Variants in ST6GALNAC5 observed in about 807,000 individuals in gnomAD.
The protein encoded by ST6GALNAC5 is ST6 N-acetylgalactosaminide alpha-2,6-sialyltransferase 5.
ST6GALNAC5 carries 27 observed loss-of-function variants against 33.6 expected under a neutral mutation model. The observed-to-expected ratio is 0.80, with a 90% CI of 0.59 to 1.11. The LOEUF (loss-of-function observed/expected upper bound fraction) is 1.11, where lower values mean the gene tolerates loss of function less well. Among genes scored for constraint, ST6GALNAC5 ranks in the 50% least tolerant of loss-of-function variants. The pLI is 0.00. For synonymous variants in ST6GALNAC5, 194 were observed against 171.2 expected (o/e 1.13, Z -1.04); for missense variants, 428 against 454.0 (o/e 0.94, Z 0.52).
intron 4 of ST6GALNAC5, among the ~76,000 whole-genome samples, chr1:77,056,573 T>C (rs2100477580): frequency 6.6e-6 from 1 of 152,350 alleles, no homozygotes; most frequent in South Asian, 2.1e-4. Context: ...GCCAGAATTA[T>C]TAGCTAGCGA....
intron 2 of ST6GALNAC5, among the ~76,000 whole-genome samples, chr1:76,987,504 T>A (rs1477277162): frequency 6.6e-6 from 1 of 152,144 alleles, no homozygotes; most frequent in Non-Finnish European, 1.5e-5. Context: ...ATGCAAAATG[T>A]TGCAACCTCT....
intron 2 of ST6GALNAC5, among the ~76,000 whole-genome samples, chr1:76,933,370 C>T (rs1158912473): frequency 6.6e-6 from 1 of 151,810 alleles, no homozygotes; most frequent in Admixed American, 6.6e-5. Context: ...CTTCAGGGAG[C>T]TAACATTGTT....
In ST6GALNAC5 at chr1:77,063,016, C is replaced by A. The variant is rs754897475; in HGVS notation, c.821C>A (p.Pro274His). Reference sequence around the variant, plus strand: ...TCAGTACCTTATCATTATTATGAACCTTTTGGACCTGATGAATGTACAATG... The same window carrying A: ...TCAGTACCTTATCATTATTATGAACATTTTGGACCTGATGAATGTACAATG... ...HPSVPYHYYE[P>H]FGPDECTMYL... The change falls in exon 5 of 5, where the codon CCT (proline) becomes CAT (histidine). Residue 274 changes from proline to histidine, a missense_variant. Physicochemically the swap from Pro to His is moderately conservative, Grantham distance 77. Coordinates refer to ENST00000477717, the MANE Select transcript of ST6GALNAC5 (RefSeq NM_030965.3). 7.4e-6 allele frequency: 12 copies of A among 1,613,726 alleles called. No homozygotes were observed. Among genetic ancestry groups the A allele is most frequent in the South Asian group, 2.2e-5 (2 of 91,060 alleles).
At position 76,970,950 on chromosome 1, in the gene ST6GALNAC5, A is replaced by AT. The variant is rs531258121; in HGVS notation, c.262-73245dup. Among the ~76,000 whole-genome samples, 687 of 151,588 alleles carry AT rather than the reference A, an allele frequency of 4.5e-3. 5 individuals carry two copies. The highest frequency in any genetic ancestry group is 8.1e-3 in the Non-Finnish European group (548 of 67,836). On this transcript the variant is annotated intron_variant, in intron 2 of 4. Coordinates refer to ENST00000477717, the MANE Select transcript of ST6GALNAC5 (RefSeq NM_030965.3). ...TTGCATCATATGTAAATAAGAAAAT[A>AT]TTTTTTTTTCCAAAACCACTTTTAT...
At chr1:76,960,937 G>A (rs1417921416) in intron 2 of ST6GALNAC5, among the ~76,000 whole-genome samples, 7 of 152,054 alleles carry the variant, frequency 4.6e-5, no homozygotes, top group African/African-American at 1.2e-4. Flanking sequence ...GTCCTGAGGC[G>A]ACATACATCC....
intron 2 of ST6GALNAC5, among the ~76,000 whole-genome samples, chr1:76,924,267 AT>A (rs1647063790): frequency 6.6e-6 from 1 of 152,200 alleles, no homozygotes; most frequent in African/African-American, 2.4e-5. Context: ...AATGCAGCAC[AT>A]TGAAGAGATA....
intron 2 of ST6GALNAC5, among the ~76,000 whole-genome samples, chr1:76,983,481 G>A (rs12561893): frequency 0.34 from 52,328 of 151,952 alleles, 10,951 homozygotes; most frequent in Non-Finnish European, 0.45. Flanking sequence ...AAATATATAC[G>A]CACCCAATAC....
chr1:77,066,800 C>G lies in ST6GALNAC5; in HGVS notation c.*3594C>G, dbSNP rs752760703. 6.6e-5 allele frequency among the ~76,000 whole-genome samples: 10 copies of G among 152,206 alleles called. No individual in the cohort carries two copies. Among genetic ancestry groups the G allele is most frequent in the African/African-American group, 9.6e-5 (4 of 41,460 alleles). ...TTCTCTCTTAAACCTCATTGTATCT[C>G]TTTACTGTCATTTTCTCCCAATTGT... On this transcript the variant is annotated 3_prime_UTR_variant, in exon 5 of 5. Coordinates refer to ENST00000477717, the MANE Select transcript of ST6GALNAC5 (RefSeq NM_030965.3).
intron 2 of ST6GALNAC5, among the ~76,000 whole-genome samples, chr1:77,019,816 T>C (rs1650985337): frequency 6.6e-6 from 1 of 152,230 alleles, no homozygotes; most frequent in Non-Finnish European, 1.5e-5. Context: ...CACATTTAAA[T>C]ACTGATGTTT....
intron 2 of ST6GALNAC5, among the ~76,000 whole-genome samples, chr1:76,945,267 G>C (rs1412165454): frequency 6.7e-6 from 1 of 149,922 alleles, no homozygotes; most frequent in Admixed American, 6.6e-5. Flanking sequence ...ATATTTGTGG[G>C]AGAAAAAAAA....
At chr1:77,053,705 A>G (rs1344589505) in intron 4 of ST6GALNAC5, among the ~76,000 whole-genome samples, 1 of 152,198 alleles carries the variant, frequency 6.6e-6, no homozygotes, top group African/African-American at 2.4e-5. Flanking sequence ...TAATTGCATG[A>G]AGTCATAGAT....
intron 2 of ST6GALNAC5, among the ~76,000 whole-genome samples, chr1:76,953,294 A>G (rs920563542): frequency 1.3e-5 from 2 of 152,130 alleles, no homozygotes; most frequent in East Asian, 1.9e-4. Flanking sequence ...CTTTCCCACC[A>G]TCATGTATGA....
At chr1:76,917,463 T>C (rs976285571) in intron 2 of ST6GALNAC5, among the ~76,000 whole-genome samples, 3 of 152,078 alleles carry the variant, frequency 2.0e-5, no homozygotes, top group Non-Finnish European at 4.4e-5. Context: ...CTGTGATTCA[T>C]GTTTTTGGAA....
chr1:76,876,596 A>G (rs1434966571), intron 2 of ST6GALNAC5, among the ~76,000 whole-genome samples: 1 of 152,182 alleles, frequency 6.6e-6, no homozygotes, highest in Non-Finnish European at 1.5e-5. Context: ...CAAGTCCCTG[A>G]CCATCCAGCC....
At chr1:76,903,099 A>C (rs548253618) in intron 2 of ST6GALNAC5, among the ~76,000 whole-genome samples, 4 of 152,310 alleles carry the variant, frequency 2.6e-5, no homozygotes, top group African/African-American at 7.2e-5. Context: ...GAAGTAAAAA[A>C]ACAACCCATG....
intron 2 of ST6GALNAC5, among the ~76,000 whole-genome samples, chr1:76,896,501 G>A (rs555227380): frequency 6.6e-6 from 1 of 152,164 alleles, no homozygotes; most frequent in Non-Finnish European, 1.5e-5. Flanking sequence ...CCTGCCTTTG[G>A]TGGTGTGTGG....
intron 2 of ST6GALNAC5, among the ~76,000 whole-genome samples, chr1:76,991,032 T>A (rs1019356220): frequency 2.6e-5 from 4 of 152,092 alleles, no homozygotes; most frequent in African/African-American, 7.2e-5. Context: ...AATCTCACCC[T>A]CTCTGTGTCA....
chr1:76,919,061 T>C (rs917574455), intron 2 of ST6GALNAC5, among the ~76,000 whole-genome samples: 8 of 152,232 alleles, frequency 5.3e-5, no homozygotes, highest in Non-Finnish European at 1.2e-4. Flanking sequence ...TAATTGTGAG[T>C]GAGGAGCTTT....
intron 2 of ST6GALNAC5, among the ~76,000 whole-genome samples, chr1:77,013,922 C>A (rs1650732370): frequency 6.6e-6 from 1 of 152,166 alleles, no homozygotes; most frequent in Non-Finnish European, 1.5e-5. Context: ...TGAAATTGAT[C>A]ACACTTCATT....
Sources: allele counts gnomAD v4.1 joint callset (sites outside exome capture counted in the v4.1 genomes callset), GRCh38; gene constraint gnomAD v4.1.1; transcripts MANE v1.5; gene names NCBI Gene and HGNC (gene_info 2026-07-23, HGNC 2026-07-21).